The following PDE1A variants were observed in gnomAD, a reference collection of about 807,000 sequenced individuals.
The protein encoded by PDE1A is phosphodiesterase 1A, also known as dual specificity calcium/calmodulin-dependent 3',5'-cyclic nucleotide phosphodiesterase 1A.
In PDE1A, 35 loss-of-function variants were observed where a neutral mutation model predicts 61.7. The observed-to-expected ratio is 0.57, with a 90% confidence interval of 0.43 to 0.75. The LOEUF (loss-of-function observed/expected upper bound fraction) is 0.75. Among genes scored for constraint, PDE1A ranks in the 30% least tolerant of loss-of-function variants. The probability of loss-of-function intolerance (pLI) is 0.00; values close to 1 mark genes in which losing one functional copy is unlikely to be tolerated. For missense variants in PDE1A, 597 were observed against 630.6 expected (o/e 0.95, Z 0.57); for synonymous variants, 232 against 213.2 (o/e 1.09, Z -0.77).
chr2:182,591,123 C>T, the PDE1A span, among the ~76,000 whole-genome samples: 2 of 152,180 alleles, frequency 1.3e-5, no homozygotes, highest in African/African-American at 4.8e-5. Context: ...CTTTTTAGAA[C>T]TAACCTAAAC....
At chr2:182,476,345 G>T (rs1687362930) in intron 2 of PDE1A, among the ~76,000 whole-genome samples, 1 of 151,836 alleles carries the variant, frequency 6.6e-6, no homozygotes, top group African/African-American at 2.4e-5. Flanking sequence ...ACAAAAATTA[G>T]CCAGGTGTGG....
chr2:182,450,913 G>A (rs550099732), intron 2 of PDE1A, among the ~76,000 whole-genome samples: 9 of 152,158 alleles, frequency 5.9e-5, no homozygotes, highest in South Asian at 4.1e-4. Context: ...ATCAAAGTAC[G>A]TGAATCACCA....
At chr2:182,455,812 C>T (rs1319758638) in intron 2 of PDE1A, among the ~76,000 whole-genome samples, 5 of 151,512 alleles carry the variant, frequency 3.3e-5, no homozygotes, top group Non-Finnish European at 7.4e-5. Context: ...TGCTAAATGA[C>T]GAGTTAATGG....
upstream of PDE1A, chr2:182,523,159 G>A (rs1291310251): frequency 6.6e-6 from 1 of 151,964 alleles, no homozygotes; most frequent in African/African-American, 2.4e-5. Context: ...TGGAAAATAC[G>A]GCAGCTGCAC....
At chr2:182,381,053 T>C (rs978241806) in intron 1 of PDE1A, among the ~76,000 whole-genome samples, 1 of 152,146 alleles carries the variant, frequency 6.6e-6, no homozygotes, top group African/African-American at 2.4e-5. Context: ...CATGGAGAAG[T>C]AGTAATGAGC....
chr2:182,466,934 C>T (rs1686708018), intron 2 of PDE1A, among the ~76,000 whole-genome samples: 1 of 152,046 alleles, frequency 6.6e-6, no homozygotes, highest in Admixed American at 6.6e-5. Flanking sequence ...GAAAAATCAA[C>T]TCTGCTCTTC....
rs548581644 is a variant in PDE1A, at chr2:182,149,608, A to C, written c.1517-2456T>G. ...CCAAATTACATTATTTTAGTTGATA[A>C]ATCTTTAGTTGTAGACGCCTTTACA... On this transcript the variant is annotated intron_variant, in intron 13 of 13. Coordinates refer to the PDE1A transcript ENST00000409365. 3.9e-5 allele frequency among the ~76,000 whole-genome samples: 6 copies of C among 152,264 alleles called. No individual in the cohort carries two copies. In the South Asian group the frequency reaches 1.2e-3, roughly 32 times the overall value.
intron 2 of PDE1A, among the ~76,000 whole-genome samples, chr2:182,452,421 G>A (rs377420166): frequency 7.2e-5 from 11 of 152,136 alleles, no homozygotes; most frequent in African/African-American, 2.7e-4. Context: ...ACATTGATAA[G>A]TGCACGCTAG....
intron 2 of PDE1A, among the ~76,000 whole-genome samples, chr2:182,468,392 T>C (rs1011974602): frequency 6.6e-6 from 1 of 152,014 alleles, no homozygotes; most frequent in African/African-American, 2.4e-5. Context: ...AACCATTTCC[T>C]TTGCTCATCC....
intron 2 of PDE1A, among the ~76,000 whole-genome samples, chr2:182,444,683 C>T (rs1009206167): frequency 6.6e-6 from 1 of 151,838 alleles, no homozygotes; most frequent in Admixed American, 6.6e-5. Flanking sequence ...GAAATAATGG[C>T]AGCTCAGTAG....
the PDE1A span, among the ~76,000 whole-genome samples, chr2:182,707,769 T>C: frequency 0.7 from 106,546 of 152,022 alleles, 37,775 homozygotes; most frequent in African/African-American, 0.8. Flanking sequence ...CTTCCTGACT[T>C]ATTTTATGAG....
intron 13 of PDE1A, among the ~76,000 whole-genome samples, chr2:182,151,429 A>G (rs1690774801): frequency 6.6e-6 from 1 of 152,064 alleles, no homozygotes; most frequent in East Asian, 1.9e-4. Context: ...CTTATAAAGT[A>G]AGGTTGAACA....
chr2:182,348,731 G>A (rs1471373233), intron 1 of PDE1A, among the ~76,000 whole-genome samples: 4 of 151,652 alleles, frequency 2.6e-5, no homozygotes, highest in Non-Finnish European at 5.9e-5. Context: ...TACACTCCCA[G>A]TTGCATCCCT....
the PDE1A span, among the ~76,000 whole-genome samples, chr2:182,626,874 TATATATATACAC>T: frequency 1.7e-4 from 6 of 35,518 alleles, no homozygotes; most frequent in Admixed American, 5.9e-4. Context: ...TATATATACA[TATATATATACAC>T]ATATATATAT....
At chr2:182,375,087 C>T (rs1353433917) in intron 1 of PDE1A, among the ~76,000 whole-genome samples, 2 of 152,194 alleles carry the variant, frequency 1.3e-5, no homozygotes, top group African/African-American at 2.4e-5. Context: ...TGACTCAACA[C>T]ATGGGAATTA....
the PDE1A span, among the ~76,000 whole-genome samples, chr2:182,604,546 A>G: frequency 6.6e-6 from 1 of 152,236 alleles, no homozygotes; most frequent in Non-Finnish European, 1.5e-5. Flanking sequence ...TATGGAGAAT[A>G]CAGTGGAAAG....
intron 1 of PDE1A, among the ~76,000 whole-genome samples, chr2:182,328,062 G>A (rs185495366): frequency 1.3e-5 from 2 of 152,306 alleles, no homozygotes; most frequent in Admixed American, 1.3e-4. Context: ...AGATGTGCGG[G>A]AAATGTCTCA....
At chr2:182,278,155 G>T (rs1200643294) in intron 1 of PDE1A, among the ~76,000 whole-genome samples, 12 of 151,908 alleles carry the variant, frequency 7.9e-5, no homozygotes, top group Admixed American at 3.9e-4. Context: ...CCTTTCCTGT[G>T]TCCCTACAAC....
At chr2:182,638,137 T>C in the PDE1A span, among the ~76,000 whole-genome samples, 4 of 152,250 alleles carry the variant, frequency 2.6e-5, no homozygotes. Flanking sequence ...TTCTTGATAA[T>C]TATCCTTTGG....
Sources: gnomAD v4.1 joint callset for allele counts (sites outside exome capture counted in the v4.1 genomes callset) on GRCh38, gnomAD v4.1.1 for gene constraint, MANE v1.5 for transcripts, NCBI Gene and HGNC (gene_info 2026-07-23, HGNC 2026-07-21) for gene names.